PATZ1: variants seen among roughly 807,000 people sequenced by gnomAD.
The protein encoded by PATZ1 is POZ-, AT hook-, and zinc finger-containing protein 1.
A neutral mutation model predicts 46.2 loss-of-function variants in PATZ1; 9 were observed. The ratio of observed to expected loss-of-function variants is 0.19; its 90% CI spans 0.12 to 0.34. The LOEUF (loss-of-function observed/expected upper bound fraction) is 0.34, where lower values mean the gene tolerates loss of function less well. PATZ1 is among the 10% of genes least tolerant of loss of function. The pLI, the probability that PATZ1 is intolerant of heterozygous loss-of-function variation, is 1.00. For missense variants in PATZ1, 632 were observed against 923.0 expected, an observed-to-expected ratio of 0.68 and a Z score of 4.08; for synonymous variants, 426 against 378.6, an observed-to-expected ratio of 1.13 and a Z score of -1.45.
Position 31,344,602 on chromosome 22 carries a change from T to C in PATZ1, c.1001A>G (p.Asn334Ser). Residue 334 changes from asparagine to serine, a missense_variant, in exon 1 of 5, where the codon AAT (asparagine) becomes AGT (serine). Asn to Ser is a conservative substitution (Grantham distance 46). Around this residue, in one of 7 missense-constraint regions of PATZ1, gnomAD observed 279 missense variants for 284.3 expected, o/e 0.98. Transcript: ENST00000266269. ...IDLPPPRLGE[N>S]GLPISEDPDG... is the part of the protein sequence containing the mutation. ...GGGGTCTTCAGAGATGGGTAGCCCA[T>C]TCTCACCCAGCCTCGGAGGAGGAAG... 1 of 1,614,156 alleles carries C rather than the reference T, an allele frequency of 6.2e-7. No individual in the cohort carries two copies. Among genetic ancestry groups the C allele is most frequent in the Admixed American group, 1.7e-5 (1 of 60,028 alleles).
intron 3 of PATZ1, among the ~76,000 whole-genome samples, chr22:31,330,945 C>T (rs2049433196): frequency 6.6e-6 from 1 of 152,212 alleles, no homozygotes; most frequent in Admixed American, 6.5e-5. Context: ...CTGACAGCAG[C>T]AGTTAGTGGT....
At position 31,345,204 on chromosome 22, in the gene PATZ1, A is replaced by G; in HGVS notation, c.399T>C (p.Phe133=). Residue 133 remains phenylalanine (F), a synonymous_variant, in exon 1 of 5, where the codon TTT becomes TTC. Coordinates refer to ENST00000266269, the MANE Select transcript of PATZ1 (RefSeq NM_014323.3). The surrounding 1 kb of genome is among the most constrained non-coding windows in gnomAD (Gnocchi z 7.4). The stretch of plus-strand genomic sequence containing the variant: ...ACTTGGCGGCCGTCATGAGTTCGGG[A>G]AAGCTCTCCAAGCGCACCACGATGC... ...TSRIVVRLES[F]PELMTAAKFL... is the part of the protein sequence containing the mutation. 1 of 1,614,054 alleles carries G rather than the reference A, an allele frequency of 6.2e-7. No homozygotes were observed. Among genetic ancestry groups the G allele is most frequent in the Non-Finnish European group, 8.5e-7 (1 of 1,179,962 alleles).
Position 31,328,780 on chromosome 22 carries a change from C to T in PATZ1, c.1645+7G>A, listed in dbSNP as rs1454019611. The T allele has an allele frequency of 1.1e-5, 17 of 1,611,848 alleles. No homozygotes were observed. Among genetic ancestry groups the T allele is most frequent in the East Asian group, 2.2e-5 (1 of 44,876 alleles). On this transcript the variant is annotated splice_region_variant and intron_variant, in intron 4 of 4. Coordinates refer to ENST00000266269, the MANE Select transcript of PATZ1 (RefSeq NM_014323.3). This position sits in a 1 kb window ranked among gnomAD's most constrained non-coding sequence, Gnocchi z 4.8. Reference sequence around the variant, plus strand: ...AGAAGCAAAGTGCAGAGCAAGGGGTCGCTTGCCTTTGTTGCCATAGGTCCT... The same window carrying T: ...AGAAGCAAAGTGCAGAGCAAGGGGTTGCTTGCCTTTGTTGCCATAGGTCCT...
At chr22:31,338,815 G>A (rs571398009) in intron 2 of PATZ1, among the ~76,000 whole-genome samples, 3 of 152,304 alleles carry the variant, frequency 2.0e-5, no homozygotes, top group African/African-American at 7.2e-5. Context: ...TTGGGAGGCC[G>A]AGGCGGGTGG....
intron 2 of PATZ1, chr22:31,338,029 C>G (rs2145822313): frequency 1.3e-5 from 2 of 152,308 alleles, no homozygotes; most frequent in Admixed American, 1.3e-4. Flanking sequence ...GAATTTGTAG[C>G]AATGACATAC....
chr22:31,344,509 C>T lies in PATZ1; in HGVS notation c.1094G>A (p.Arg365His). 1 of 1,614,226 alleles carries T rather than the reference C, an allele frequency of 6.2e-7. No homozygotes were observed. The highest frequency in any genetic ancestry group is 8.5e-7 in the Non-Finnish European group (1 of 1,180,030). ...VACEICGKIF[R>H]DVYHLNRHKL... ...GTGCCGGTTAAGATGATACACATCA[C>T]GGAAGATCTTGCCGCAGATCTCACA... Residue 365 changes from arginine (R) to histidine (H), a missense_variant, in exon 1 of 5, where the codon CGT becomes CAT. Around this residue, in one of 7 missense-constraint regions of PATZ1, gnomAD observed 55 missense variants for 169.0 expected, o/e 0.33. Coordinates refer to ENST00000266269, the MANE Select transcript of PATZ1 (RefSeq NM_014323.3).
Position 31,344,031 on chromosome 22 carries a change from C to G in PATZ1, c.1271+301G>C, listed in dbSNP as rs558000818. Among the ~76,000 whole-genome samples, 13 of 152,302 alleles carry G rather than the reference C, an allele frequency of 8.5e-5. No homozygotes were observed. The South Asian group carries it at 2.7e-3, about 32-fold the overall frequency. On this transcript the variant is annotated intron_variant, in intron 1 of 4. Transcript: ENST00000266269. ...GGGGCCCCACGCCTGGTGCCGGAAA[C>G]ACAAAGGGAGCCCTGGGGGAAGAAT... is the stretch of plus-strand genomic sequence containing the variant.
intron 2 of PATZ1, among the ~76,000 whole-genome samples, chr22:31,337,362 C>G (rs2049524274): frequency 6.6e-6 from 1 of 152,146 alleles, no homozygotes; most frequent in Admixed American, 6.5e-5. Context: ...AGCCAGGCCC[C>G]CGGGGTTGGA....
chr22:31,342,828 G>GCTCAAGGCTGC, intron 2 of PATZ1, 69 bp downstream of exon 2: 2 of 1,560,018 alleles, frequency 1.3e-6, no homozygotes, highest in Middle Eastern at 4.3e-4. Flanking sequence ...GCAGCGGCTG[G>GCTCAAGGCTGC]CTCAAGGCTG....
rs1385082249 is a variant in PATZ1, at chr22:31,345,612, C to G, written c.-10G>C. 6.3e-7 allele frequency: 1 copy of G among 1,581,934 alleles called. No homozygotes were observed. The stretch of plus-strand genomic sequence containing the variant: ...CGTTCACCCGCTCCATGGCCGCCGC[C>G]CCCTCCCACTAGCCCGGCCGCTGCA... On this transcript the variant is annotated 5_prime_UTR_variant, in exon 1 of 5. Coordinates refer to ENST00000266269, the MANE Select transcript of PATZ1 (RefSeq NM_014323.3). The surrounding 1 kb of genome is among the most constrained non-coding windows in gnomAD (Gnocchi z 7.4).
chr22:31,342,756 G>A (rs2049598293), intron 2 of PATZ1, 141 bp downstream of exon 2: 1 of 780,216 alleles, frequency 1.3e-6, no homozygotes, highest in African/African-American at 1.7e-5. Context: ...AGCAGAGGGA[G>A]GGTGGAGGAA....
At chr22:31,343,445 T>G in intron 1 of PATZ1, 1 of 986,650 alleles carries the variant, frequency 1.0e-6, no homozygotes, top group Non-Finnish European at 1.2e-6. Context: ...GAGCCTTAAG[T>G]CCCCAGCTGG....
In PATZ1 at chr22:31,345,181, T is replaced by G; in HGVS notation, c.422A>C (p.Lys141Thr). The G allele has an allele frequency of 6.2e-7, 1 of 1,614,176 alleles. No individual in the cohort carries two copies. Among genetic ancestry groups the G allele is most frequent in the Non-Finnish European group, 8.5e-7 (1 of 1,180,012 alleles). Residue 141 changes from lysine (K) to threonine (T), a missense_variant, in exon 1 of 5, where the codon AAG becomes ACG. Physicochemically the swap from Lys to Thr is moderately conservative, Grantham distance 78. Coordinates refer to ENST00000266269, the MANE Select transcript of PATZ1 (RefSeq NM_014323.3). This position sits in a 1 kb window ranked among gnomAD's most constrained non-coding sequence, Gnocchi z 7.4. ...GATAACCGACCTCATCAGCAGGAAC[T>G]TGGCGGCCGTCATGAGTTCGGGAAA... Reference protein sequence around the residue: ...ESFPELMTAAKFLLMRSVIEI... With the variant: ...ESFPELMTAATFLLMRSVIEI...
intron 3 of PATZ1, among the ~76,000 whole-genome samples, chr22:31,329,759 G>C (rs1477372298): frequency 6.6e-6 from 1 of 152,146 alleles, no homozygotes; most frequent in Non-Finnish European, 1.5e-5. Flanking sequence ...TCTCAGGCTG[G>C]GAAGAACACA....
chr22:31,329,179 C>T (rs1321502977), intron 3 of PATZ1, among the ~76,000 whole-genome samples: 2 of 152,212 alleles, frequency 1.3e-5, no homozygotes, highest in Non-Finnish European at 2.9e-5. Context: ...GGCTGGCTGC[C>T]TGGTGGGATG....
At chr22:31,343,107 C>G in intron 1 of PATZ1, 147 bp from the exon 2 acceptor site, 1 of 1,441,756 alleles carries the variant, frequency 6.9e-7, no homozygotes, top group East Asian at 2.7e-5. Flanking sequence ...AAGACAAAGT[C>G]ACCACCCAGT....
chr22:31,334,266 T>A (rs1269209238), intron 3 of PATZ1, among the ~76,000 whole-genome samples: 1 of 152,168 alleles, frequency 6.6e-6, no homozygotes, highest in African/African-American at 2.4e-5. Context: ...AGCCCACCGC[T>A]TGCAACCTGG....
chr22:31,331,890 C>T (rs1016418159), intron 3 of PATZ1, among the ~76,000 whole-genome samples: 2 of 152,148 alleles, frequency 1.3e-5, no homozygotes, highest in African/African-American at 2.4e-5. Flanking sequence ...GCAGGCAGAT[C>T]ACCTGAGGTT....
chr22:31,344,850 G>C lies in PATZ1; in HGVS notation c.753C>G (p.Phe251Leu). Residue 251 changes from phenylalanine (F) to leucine (L), a missense_variant, in exon 1 of 5, where the codon TTC becomes TTG. Coordinates refer to ENST00000266269, the MANE Select transcript of PATZ1 (RefSeq NM_014323.3). ...GAGGGGCACTGGATGCCACACTGGGGAATGGGGAAGTCAGCAGTTGGGGGG... is the reference window on the plus strand; with the variant it reads ...GAGGGGCACTGGATGCCACACTGGGCAATGGGGAAGTCAGCAGTTGGGGGG... ...PLSPQLLTSP[F>L]PSVASSAPPL... is the part of the protein sequence containing the mutation. 1.2e-6 allele frequency: 2 copies of C among 1,612,760 alleles called. No individual in the cohort carries two copies. Among genetic ancestry groups the C allele is most frequent in the Non-Finnish European group, 1.7e-6 (2 of 1,179,916 alleles).
Sources: gnomAD v4.1 joint callset for allele counts (sites outside exome capture counted in the v4.1 genomes callset) on GRCh38, gnomAD v4.1.1 for gene constraint, gnomAD v4.1.1 regional missense constraint, Gnocchi (gnomAD v3.1) non-coding constraint, MANE v1.5 for transcripts, NCBI Gene and HGNC (gene_info 2026-07-23, HGNC 2026-07-21) for gene names.